PCDHGB2: variants seen among roughly 807,000 people sequenced by gnomAD.
The protein encoded by PCDHGB2 is protocadherin gamma subfamily B, 2.
In PCDHGB2, 55 loss-of-function variants were observed where a neutral mutation model predicts 59.3. The ratio of observed to expected loss-of-function variants is 0.93; its 90% CI spans 0.75 to 1.16. The LOEUF (loss-of-function observed/expected upper bound fraction) is 1.16, where lower values mean the gene tolerates loss of function less well. Among genes scored for constraint, PCDHGB2 ranks in the 50% most tolerant of loss-of-function variants. PCDHGB2 has a pLI of 0.00. For synonymous variants in PCDHGB2, 516 were observed against 512.0 expected, an observed-to-expected ratio of 1.01 and a Z score of -0.11; for missense variants, 1,228 against 1,198.5, an observed-to-expected ratio of 1.02 and a Z score of -0.36.
chr5:141,420,918 C>T (rs2096532512), intron 1 of PCDHGB2: 1 of 331,946 alleles, frequency 3.0e-6, no homozygotes, highest in South Asian at 6.4e-5. Flanking sequence ...GTGTGATTCA[C>T]AAAGGTGAGC....
chr5:141,400,867 C>A (rs1005203103), intron 1 of PCDHGB2, among the ~76,000 whole-genome samples: 37 of 152,162 alleles, frequency 2.4e-4, no homozygotes, highest in African/African-American at 8.9e-4. Context: ...TGTAGATAAA[C>A]CATTAAATTT....
At chr5:141,403,251 C>G (rs1276332038) in intron 1 of PCDHGB2, 41 of 1,613,756 alleles carry the variant, frequency 2.5e-5, no homozygotes, top group Non-Finnish European at 3.4e-5. Context: ...GCTCAGAGCC[C>G]GCGGTGTCTG....
At chr5:141,363,325 T>C (rs1762878436) in intron 1 of PCDHGB2, among the ~76,000 whole-genome samples, 1 of 152,276 alleles carries the variant, frequency 6.6e-6, no homozygotes, top group South Asian at 2.1e-4. Flanking sequence ...ATGAAAGTGT[T>C]ATTAAATAAA....
chr5:141,479,939 A>G (rs763454741), intron 1 of PCDHGB2, among the ~76,000 whole-genome samples: 2 of 152,004 alleles, frequency 1.3e-5, no homozygotes, highest in Non-Finnish European at 2.9e-5. Flanking sequence ...ATTGCTATCA[A>G]CTCTTGGATT....
chr5:141,390,152 TAC>T, intron 1 of PCDHGB2: 2 of 1,614,054 alleles, frequency 1.2e-6, no homozygotes, highest in Non-Finnish European at 1.7e-6. Flanking sequence ...GTGTTGCACA[TAC>T]AGGAAAGACG....
At chr5:141,376,441 G>C in intron 1 of PCDHGB2, 3 of 1,614,206 alleles carry the variant, frequency 1.9e-6, no homozygotes, top group Non-Finnish European at 2.5e-6. Flanking sequence ...AGAGCTATGA[G>C]AAAAGCGAGC....
chr5:141,368,590 A>G (rs914366988), intron 1 of PCDHGB2, among the ~76,000 whole-genome samples: 8 of 152,142 alleles, frequency 5.3e-5, no homozygotes, highest in African/African-American at 9.7e-5. Context: ...GGTGTTTGGG[A>G]AAAAAGTAAA....
chr5:141,403,136 C>T, intron 1 of PCDHGB2: 1 of 1,614,006 alleles, frequency 6.2e-7, no homozygotes, highest in South Asian at 1.1e-5. Flanking sequence ...GCTGGCGGAG[C>T]GCCGAGTCCG....
chr5:141,475,527 C>G (rs1462406655), intron 1 of PCDHGB2, among the ~76,000 whole-genome samples: 2 of 152,172 alleles, frequency 1.3e-5, no homozygotes, highest in African/African-American at 2.4e-5. Context: ...ATGCTAAATG[C>G]CTCCTTACAA....
chr5:141,370,759 T>A, intron 1 of PCDHGB2: 1 of 1,614,022 alleles, frequency 6.2e-7, no homozygotes, highest in Non-Finnish European at 8.5e-7. Context: ...GTAACTGTGC[T>A]GATCCAGGAT....
At chr5:141,467,597 A>T (rs2099147099) in intron 1 of PCDHGB2, among the ~76,000 whole-genome samples, 1 of 152,136 alleles carries the variant, frequency 6.6e-6, no homozygotes, top group Non-Finnish European at 1.5e-5. Flanking sequence ...TTTATTAAGC[A>T]CTTCATCTTT....
chr5:141,419,834 A>C, intron 1 of PCDHGB2: 1 of 1,614,072 alleles, frequency 6.2e-7, no homozygotes, highest in Non-Finnish European at 8.5e-7. Context: ...AGCCACTGCC[A>C]CGCTGCACCT....
At chr5:141,368,074 G>A (rs1765473205) in intron 1 of PCDHGB2, among the ~76,000 whole-genome samples, 2 of 152,100 alleles carry the variant, frequency 1.3e-5, no homozygotes, top group Admixed American at 6.6e-5. Context: ...TTTCCCTTCT[G>A]CATCTGATTT....
Position 141,490,703 on chromosome 5 carries a change from G to GCCT in PCDHGB2, c.2422-4102_2422-4100dup. 6.2e-7 allele frequency: 1 copy of GCCT among 1,614,110 alleles called. No individual in the cohort carries two copies. The highest frequency in any genetic ancestry group is 8.5e-7 in the Non-Finnish European group (1 of 1,180,000). Reference sequence around the variant, plus strand: ...GATCCAGACACTGGGGATAATGCCCGCCTCACCTACTCCATTGTAGGAAAT... The same window carrying GCCT: ...GATCCAGACACTGGGGATAATGCCCGCCTCCTCACCTACTCCATTGTAGGAAAT... On this transcript the variant is annotated intron_variant, in intron 1 of 3. Transcript: ENST00000522605. This position sits in a 1 kb window ranked among gnomAD's most constrained non-coding sequence, Gnocchi z 5.4.
At chr5:141,466,754 C>T (rs1045917268) in intron 1 of PCDHGB2, among the ~76,000 whole-genome samples, 1 of 152,138 alleles carries the variant, frequency 6.6e-6, no homozygotes, top group African/African-American at 2.4e-5. Context: ...GATAGGGGCT[C>T]TTTTCAAACT....
chr5:141,456,299 A>G (rs11167748), intron 1 of PCDHGB2, among the ~76,000 whole-genome samples: 25,602 of 152,048 alleles, frequency 0.17, 2,205 homozygotes, highest in South Asian at 0.22. Context: ...TCTAATGGAG[A>G]ACAGCAGCTA....
chr5:141,403,953 T>C, intron 1 of PCDHGB2: 1 of 1,613,860 alleles, frequency 6.2e-7, no homozygotes, highest in South Asian at 1.1e-5. Flanking sequence ...ACAAAAGTGC[T>C]CATTTCGGTG....
At chr5:141,364,629 C>T in intron 1 of PCDHGB2, 2 of 1,614,142 alleles carry the variant, frequency 1.2e-6, no homozygotes, top group African/African-American at 1.3e-5. Context: ...GCTCAGAGCC[C>T]ACTGTGTGTG....
chr5:141,461,409 A>ATATGTTTGT (rs1491521215), intron 1 of PCDHGB2, among the ~76,000 whole-genome samples: 2 of 151,810 alleles, frequency 1.3e-5, no homozygotes, highest in Non-Finnish European at 2.9e-5. Context: ...GCATTTTTTC[A>ATATGTTTGT]TATGTTTGTG....
Sources: gnomAD v4.1 joint callset for allele counts (sites outside exome capture counted in the v4.1 genomes callset) on GRCh38, gnomAD v4.1.1 for gene constraint, Gnocchi (gnomAD v3.1) non-coding constraint, MANE v1.5 for transcripts, NCBI Gene and HGNC (gene_info 2026-07-23, HGNC 2026-07-21) for gene names.